The following NAAA variants were observed in gnomAD, a reference collection of about 807,000 sequenced individuals.
The protein encoded by NAAA is N-acylethanolamine acid amidase.
In NAAA, 39 loss-of-function variants were observed where a neutral mutation model predicts 44.8. The ratio of observed to expected loss-of-function variants is 0.87; its 90% CI spans 0.67 to 1.14. NAAA has a LOEUF of 1.14. Ranked by LOEUF, NAAA falls within the 50% of genes most tolerant of loss-of-function variation. NAAA has a pLI of 0.00. For missense variants in NAAA, 460 were observed against 467.8 expected, an observed-to-expected ratio of 0.98 and a Z score of 0.15; for synonymous variants, 178 against 191.3, an observed-to-expected ratio of 0.93 and a Z score of 0.58.
In NAAA at chr4:75,931,248, G is replaced by T. The variant is rs761687223; in HGVS notation, c.555C>A (p.Ser185Arg). The T allele has an allele frequency of 6.2e-7, 1 of 1,612,716 alleles. No homozygotes were observed. Among genetic ancestry groups the T allele is most frequent in the Non-Finnish European group, 8.5e-7 (1 of 1,178,944 alleles). Residue 185 changes from serine (S) to arginine (R), a missense_variant, in exon 4 of 11, where the codon AGC becomes AGA. Coordinates refer to ENST00000286733, the MANE Select transcript of NAAA (RefSeq NM_014435.4). Reference protein sequence around the residue: ...IGYVGLWTGQSPHKFTVSGDE... With the variant: ...IGYVGLWTGQRPHKFTVSGDE... ...CACCAGAAACTGTAAACTTGTGTGG[G>T]CTCTGGCCAGTCCATAATCCTACAT... is the stretch of plus-strand genomic sequence containing the variant.
At chr4:75,932,178 G>C (rs150416773) in intron 3 of NAAA, among the ~76,000 whole-genome samples, 2,121 of 152,256 alleles carry the variant, frequency 0.014, 50 homozygotes, top group African/African-American at 0.049. Context: ...GCGGTGAACC[G>C]AGATAGCGCC....
chr4:75,939,498 C>T (rs544128032), intron 2 of NAAA, among the ~76,000 whole-genome samples: 4 of 151,452 alleles, frequency 2.6e-5, no homozygotes, highest in Admixed American at 2.6e-4. Context: ...TCGCTGCAAC[C>T]TCCGCCTCCC....
intron 2 of NAAA, among the ~76,000 whole-genome samples, chr4:75,937,075 T>G (rs953852118): frequency 6.6e-6 from 1 of 152,182 alleles, no homozygotes; most frequent in Middle Eastern, 3.2e-3. Context: ...ACATGTTACT[T>G]TTATAATTGG....
intron 3 of NAAA, among the ~76,000 whole-genome samples, chr4:75,931,660 T>C (rs1461847648): frequency 6.6e-6 from 1 of 152,188 alleles, no homozygotes; most frequent in African/African-American, 2.4e-5. Context: ...TCACAGATAT[T>C]TTCACATACA....
In NAAA at chr4:75,922,484, A is replaced by G. The variant is rs932943241; in HGVS notation, c.667-1361T>C. Among the ~76,000 whole-genome samples the G allele has an allele frequency of 2.1e-4, 32 of 152,102 alleles. 2 individuals carry two copies. Among genetic ancestry groups the G allele is most frequent in the African/African-American group, 2.4e-5 (1 of 41,416 alleles). The stretch of plus-strand genomic sequence containing the variant: ...CCCTGTACCTGGAAGAAGGGAATGT[A>G]TGGTCAGAGAGGCCAAGAAGAATCT... On this transcript the variant is annotated intron_variant, in intron 5 of 10. Coordinates refer to ENST00000286733, the MANE Select transcript of NAAA (RefSeq NM_014435.4).
rs1250346244 is a variant in NAAA, at chr4:75,939,998, C to T, written c.371+3G>A. Reference sequence around the variant, plus strand: ...TTACTCCGCGCGGGCTTGGGGCACTCACACGGAGGACTCGTAGGCCAGGTT... The same window carrying T: ...TTACTCCGCGCGGGCTTGGGGCACTTACACGGAGGACTCGTAGGCCAGGTT... On this transcript the variant is annotated splice_donor_region_variant and intron_variant, in intron 2 of 10. Transcript: ENST00000286733. 1 of 1,613,526 alleles carries T rather than the reference C, an allele frequency of 6.2e-7. No individual in the cohort carries two copies. Among genetic ancestry groups the T allele is most frequent in the Non-Finnish European group, 8.5e-7 (1 of 1,179,824 alleles).
chr4:75,918,690 C>T, intron 9 of NAAA, 71 bp downstream of exon 9: 3 of 1,535,662 alleles, frequency 2.0e-6, no homozygotes, highest in South Asian at 2.2e-5. Flanking sequence ...CCTTGCTGAG[C>T]CAAACAGTAC....
At position 75,940,124 on chromosome 4, in the gene NAAA, A is replaced by T; in HGVS notation, c.248T>A (p.Val83Glu). 6.2e-7 allele frequency: 1 copy of T among 1,614,104 alleles called. No homozygotes were observed. The highest frequency in any genetic ancestry group is 1.1e-5 in the South Asian group (1 of 91,088). The part of the protein sequence containing the change: ...PKWVHVLIGK[V>E]VLELERFLPQ... ...CAGGAAGCGCTCCAGCTCCAGGACCACTTTTCCGATTAACACGTGCACCCA... is the reference window on the plus strand; with the variant it reads ...CAGGAAGCGCTCCAGCTCCAGGACCTCTTTTCCGATTAACACGTGCACCCA... The change falls in exon 2 of 11, where the codon GTG becomes GAG. Residue 83 changes from valine (V) to glutamate (E), a missense_variant. Physicochemically the swap from Val to Glu is moderately radical, Grantham distance 121 (BLOSUM62 -2). Coordinates refer to ENST00000286733, the MANE Select transcript of NAAA (RefSeq NM_014435.4).
chr4:75,922,964 G>GCCT (rs142054390), intron 5 of NAAA, among the ~76,000 whole-genome samples: 5,392 of 151,802 alleles, frequency 0.036, 309 homozygotes, highest in African/African-American at 0.12. Context: ...GAGTGCAAAT[G>GCCT]CATCTATCTC....
Position 75,940,986 on chromosome 4 carries a change from A to G in NAAA, c.-37T>C. 6.9e-7 allele frequency: 1 copy of G among 1,440,218 alleles called. No individual in the cohort carries two copies. Among genetic ancestry groups the G allele is most frequent in the Non-Finnish European group, 9.0e-7 (1 of 1,107,244 alleles). 89.2% of individuals were successfully genotyped at this position (1,440,218 alleles called of 1,614,324 possible). ...CAGCGGCCGCAACTTGGAGACCTGC[A>G]GCCGCTGTCGGAGCCCGGGTAAGCC... On this transcript the variant is annotated 5_prime_UTR_variant, in exon 1 of 11. Transcript: ENST00000286733.
chr4:75,910,794 A>G (rs1404409504), downstream of NAAA, among the ~76,000 whole-genome samples: 2 of 152,222 alleles, frequency 1.3e-5, no homozygotes, highest in African/African-American at 2.4e-5. Flanking sequence ...AAACCACGTG[A>G]CACTGTTATC....
Position 75,929,183 on chromosome 4 carries a change from A to G in NAAA, c.589+2031T>C, listed in dbSNP as rs1465628600. On this transcript the variant is annotated intron_variant, in intron 4 of 10. Transcript: ENST00000286733. The stretch of plus-strand genomic sequence containing the variant: ...AGCTACAGCAATAAGATTTAAACCC[A>G]GGCAGACTGGCCCTGGAGTCTTCAG... Among the ~76,000 whole-genome samples the G allele has an allele frequency of 3.3e-5, 5 of 152,214 alleles. No homozygotes were observed. In the East Asian group the frequency reaches 7.7e-4, roughly 23 times the overall value.
Position 75,920,804 on chromosome 4 carries a change from C to T in NAAA, c.840-4G>A, listed in dbSNP as rs1003391245. The T allele has an allele frequency of 1.1e-5, 17 of 1,614,100 alleles. No homozygotes were observed. Among genetic ancestry groups the T allele is most frequent in the Non-Finnish European group, 1.4e-5 (16 of 1,180,052 alleles). On this transcript the variant is annotated splice_region_variant and splice_polypyrimidine_tract_variant and intron_variant, in intron 6 of 10. Coordinates refer to ENST00000286733, the MANE Select transcript of NAAA (RefSeq NM_014435.4). ...ATTTGTCTCAACTCGGAACCACCTACAACAGAGCACATCATCTTGTCTTAT... is the reference window on the plus strand; with the variant it reads ...ATTTGTCTCAACTCGGAACCACCTATAACAGAGCACATCATCTTGTCTTAT...
At chr4:75,940,715 C>G (rs774023262) in intron 1 of NAAA, 29 bp downstream of exon 1, 4 of 1,583,020 alleles carry the variant, frequency 2.5e-6, no homozygotes, top group Non-Finnish European at 3.4e-6. Flanking sequence ...CCGGTGTCCC[C>G]GCAGACCCCG....
chr4:75,925,504 C>T (rs1439550470), intron 5 of NAAA, among the ~76,000 whole-genome samples: 3 of 152,238 alleles, frequency 2.0e-5, no homozygotes, highest in African/African-American at 7.2e-5. Flanking sequence ...TCACACTGGA[C>T]TCTTCCTTAC....
chr4:75,920,702 A>G (rs1438828241), intron 7 of NAAA, 36 bp downstream of exon 7: 1 of 1,613,690 alleles, frequency 6.2e-7, no homozygotes. Context: ...TGACCATAAG[A>G]AAACACTGCA....
At chr4:75,932,544 G>T (rs1055426870) in intron 3 of NAAA, among the ~76,000 whole-genome samples, 1 of 152,082 alleles carries the variant, frequency 6.6e-6, no homozygotes, top group African/African-American at 2.4e-5. Context: ...GTGCAATGGT[G>T]CAATCACGAC....
chr4:75,934,994 ATAAT>A (rs1727583233), intron 3 of NAAA: 1 of 148,532 alleles, frequency 6.7e-6, no homozygotes, highest in South Asian at 2.1e-4. Flanking sequence ...ACATGAATAA[ATAAT>A]AAATAATATT....
intron 3 of NAAA, chr4:75,935,883 A>T (rs899791916): frequency 1.3e-5 from 8 of 593,526 alleles, no homozygotes; most frequent in South Asian, 2.2e-5. Context: ...CCCTATGGAA[A>T]ACTGGGTGAC....
Sources: allele counts gnomAD v4.1 joint callset (sites outside exome capture counted in the v4.1 genomes callset), GRCh38; gene constraint gnomAD v4.1.1; transcripts MANE v1.5; gene names NCBI Gene and HGNC (gene_info 2026-07-23, HGNC 2026-07-21).